The following ZBTB34 variants were observed in gnomAD, a reference collection of about 807,000 sequenced individuals.
The protein encoded by ZBTB34 is zinc finger and BTB domain-containing protein 34.
A neutral mutation model predicts 33.4 loss-of-function variants in ZBTB34; 1 was observed. That is an observed-to-expected ratio of 0.03 (90% CI 0.01 to 0.14). ZBTB34 has a LOEUF of 0.14. Ranked by LOEUF, ZBTB34 falls within the 10% of genes least tolerant of loss-of-function variation. ZBTB34 has a pLI of 1.00. For missense variants in ZBTB34, 406 were observed against 657.2 expected (o/e 0.62, Z 4.18); for synonymous variants, 283 against 253.5 (o/e 1.12, Z -1.11).
In ZBTB34 at chr9:126,879,299, A is replaced by G. The variant is rs1230064989; in HGVS notation, c.-10-91A>G. On this transcript the variant is annotated intron_variant, in intron 1 of 1. Coordinates refer to ENST00000319119, the Ensembl canonical transcript of ZBTB34. The surrounding 1 kb of genome is among the most constrained non-coding windows in gnomAD (Gnocchi z 6.4). ...GTAGATTTTAGGAGGTATGATAGCC[A>G]CAATGGTATTGTTGTTGTAAGCTTG... is the stretch of plus-strand genomic sequence containing the variant. 1 of 1,056,258 alleles carries G rather than the reference A, an allele frequency of 9.5e-7. No individual in the cohort carries two copies. Among genetic ancestry groups the G allele is most frequent in the Non-Finnish European group, 1.4e-6 (1 of 725,876 alleles). 65.4% of individuals were successfully genotyped at this position (1,056,258 alleles called of 1,614,324 possible).
intron 1 of ZBTB34, among the ~76,000 whole-genome samples, chr9:126,862,078 TAAG>T (rs1166452039): frequency 2.0e-5 from 3 of 152,008 alleles, no homozygotes; most frequent in Non-Finnish European, 2.9e-5. Flanking sequence ...GCTGTAGAAT[TAAG>T]AAGGAGAGAT....
chr9:126,870,270 T>C (rs922821351), intron 1 of ZBTB34, among the ~76,000 whole-genome samples: 2 of 152,202 alleles, frequency 1.3e-5, no homozygotes, highest in African/African-American at 4.8e-5. Flanking sequence ...ATGAATTCCA[T>C]TCCCATCTCT....
intron 1 of ZBTB34, among the ~76,000 whole-genome samples, chr9:126,874,659 C>A (rs927519722): frequency 4.6e-5 from 7 of 152,176 alleles, no homozygotes; most frequent in Admixed American, 2.6e-4. Flanking sequence ...CCTTGACAAT[C>A]TCAAGTGGCT....
At chr9:126,865,104 A>G (rs758682839) in intron 1 of ZBTB34, among the ~76,000 whole-genome samples, 1 of 152,172 alleles carries the variant, frequency 6.6e-6, no homozygotes, top group Non-Finnish European at 1.5e-5. Flanking sequence ...GTAACTGGAT[A>G]TTTTTAAACA....
chr9:126,867,642 T>G (rs1416522993), intron 1 of ZBTB34, among the ~76,000 whole-genome samples: 2 of 152,096 alleles, frequency 1.3e-5, no homozygotes, highest in African/African-American at 4.8e-5. Flanking sequence ...TTTTGTCATG[T>G]ACTTTTACGT....
intron 1 of ZBTB34, among the ~76,000 whole-genome samples, chr9:126,867,126 CTTTT>C (rs201393295): frequency 1.6e-5 from 2 of 128,554 alleles, no homozygotes; most frequent in Non-Finnish European, 3.3e-5. Flanking sequence ...TTGGGGGTTC[CTTTT>C]TTTTTTTTTT....
chr9:126,866,058 T>C (rs2033196408), intron 1 of ZBTB34, among the ~76,000 whole-genome samples: 1 of 152,110 alleles, frequency 6.6e-6, no homozygotes, highest in Admixed American at 6.5e-5. Context: ...ACCCCCTTCA[T>C]CAGGTGCTGT....
chr9:126,864,189 C>T (rs139341089), intron 1 of ZBTB34, among the ~76,000 whole-genome samples: 126 of 152,308 alleles, frequency 8.3e-4, no homozygotes, highest in African/African-American at 2.9e-3. Context: ...ACTGACAAAT[C>T]TAGGTCCAAA....
chr9:126,868,101 C>CG (rs2033232294), intron 1 of ZBTB34, among the ~76,000 whole-genome samples: 1 of 152,248 alleles, frequency 6.6e-6, no homozygotes, highest in Middle Eastern at 3.4e-3. Flanking sequence ...ACATGATGGT[C>CG]GCTTGCTCTT....
At position 126,880,803 on chromosome 9, in the gene ZBTB34, C is replaced by T. The variant is rs150644621; in HGVS notation, c.1404C>T (p.Pro468=). The change falls in exon 2 of 2, where the codon CCC becomes CCT. Residue 468 remains proline (P), a synonymous_variant. Coordinates refer to ENST00000319119, the Ensembl canonical transcript of ZBTB34. The surrounding 1 kb of genome is among the most constrained non-coding windows in gnomAD (Gnocchi z 6.7). Reference sequence around the variant, plus strand: ...AAGTCAGGAGTCGCATTGAGTCCCCCGAGAGAACAGATGTGTACGTGGAAC... The same window carrying T: ...AAGTCAGGAGTCGCATTGAGTCCCCTGAGAGAACAGATGTGTACGTGGAAC... 2.7e-5 allele frequency: 43 copies of T among 1,613,584 alleles called. No individual in the cohort carries two copies. Among genetic ancestry groups the T allele is most frequent in the Non-Finnish European group, 3.3e-5 (39 of 1,179,892 alleles).
At chr9:126,878,058 G>A (rs980002211) in intron 1 of ZBTB34, among the ~76,000 whole-genome samples, 11 of 152,052 alleles carry the variant, frequency 7.2e-5, no homozygotes, top group African/African-American at 2.2e-4. Context: ...TTCACTGGTC[G>A]GGTGTGGCAG....
intron 1 of ZBTB34, among the ~76,000 whole-genome samples, chr9:126,864,113 T>A (rs538989805): frequency 6.6e-6 from 1 of 152,306 alleles, no homozygotes; most frequent in East Asian, 1.9e-4. Context: ...ATAAAAATCC[T>A]GCATCTCACC....
intron 1 of ZBTB34, among the ~76,000 whole-genome samples, chr9:126,861,114 G>T (rs910719221): frequency 1.3e-5 from 2 of 152,106 alleles, no homozygotes; most frequent in African/African-American, 2.4e-5. Flanking sequence ...CCCTGGGGGC[G>T]CTCCCTTTTG....
At chr9:126,875,093 C>T (rs1010785332) in intron 1 of ZBTB34, among the ~76,000 whole-genome samples, 3 of 152,090 alleles carry the variant, frequency 2.0e-5, no homozygotes, top group South Asian at 2.1e-4. Context: ...TGACCACAGG[C>T]GACTGTTGAG....
At chr9:126,878,204 T>G (rs1181362535) in intron 1 of ZBTB34, among the ~76,000 whole-genome samples, 2 of 151,270 alleles carry the variant, frequency 1.3e-5, no homozygotes, top group African/African-American at 4.9e-5. Flanking sequence ...GTGTGGTGAC[T>G]CTTGCCTGTA....
chr9:126,867,749 T>A (rs1005935521), intron 1 of ZBTB34, among the ~76,000 whole-genome samples: 1 of 151,884 alleles, frequency 6.6e-6, no homozygotes, highest in Non-Finnish European at 1.5e-5. Flanking sequence ...TCACCCATGT[T>A]GTCTTTCATT....
chr9:126,866,206 C>T (rs1043010350), intron 1 of ZBTB34, among the ~76,000 whole-genome samples: 6 of 152,002 alleles, frequency 3.9e-5, no homozygotes, highest in Non-Finnish European at 7.4e-5. Context: ...TCAGTATCTT[C>T]GGGTCTAATA....
chr9:126,862,886 A>G (rs193098030), intron 1 of ZBTB34, among the ~76,000 whole-genome samples: 31 of 148,386 alleles, frequency 2.1e-4, no homozygotes, highest in Non-Finnish European at 3.7e-4. Context: ...TTGTTGGTAA[A>G]CAACTTTTTG....
chr9:126,880,894 G>C lies in ZBTB34; in HGVS notation c.1495G>C (p.Val499Leu). The change falls in exon 2 of 2, where the codon GTG becomes CTG. Residue 499 changes from valine to leucine, a missense_variant. Val to Leu is a conservative substitution (Grantham distance 32, BLOSUM62 1). Around this residue, in one of 6 missense-constraint regions of ZBTB34, gnomAD observed 58 missense variants for 58.7 expected, o/e 0.99. Coordinates refer to ENST00000319119, the Ensembl canonical transcript of ZBTB34. This position sits in a 1 kb window ranked among gnomAD's most constrained non-coding sequence, Gnocchi z 6.7. ...AGATTCCCGGATGGAAATTCACACA[G>C]TGTCTGATGCTCCCGATTAAGATGG... 1 of 1,611,634 alleles carries C rather than the reference G, an allele frequency of 6.2e-7. No individual in the cohort carries two copies. Among genetic ancestry groups the C allele is most frequent in the Non-Finnish European group, 8.5e-7 (1 of 1,178,828 alleles).
Sources: gnomAD v4.1 joint callset for allele counts (sites outside exome capture counted in the v4.1 genomes callset) on GRCh38, gnomAD v4.1.1 for gene constraint, gnomAD v4.1.1 regional missense constraint, Gnocchi (gnomAD v3.1) non-coding constraint, MANE v1.5 for transcripts, NCBI Gene and HGNC (gene_info 2026-07-23, HGNC 2026-07-21) for gene names.